The following ABLIM2 variants were observed in gnomAD, a reference collection of about 807,000 sequenced individuals.
The protein encoded by ABLIM2 is actin binding LIM protein family member 2, also known as actin-binding LIM protein 2.
ABLIM2 carries 53 observed loss-of-function variants against 97.7 expected under a neutral mutation model. That is an observed-to-expected ratio of 0.54 (90% CI 0.44 to 0.68). The LOEUF (loss-of-function observed/expected upper bound fraction) is 0.68. Ranked by LOEUF, ABLIM2 falls within the 30% of genes least tolerant of loss-of-function variation. The pLI is 0.00. For synonymous variants in ABLIM2, 361 were observed against 345.8 expected (o/e 1.04, Z -0.49); for missense variants, 835 against 867.2 (o/e 0.96, Z 0.47).
chr4:8,158,708 T>C lies in ABLIM2; in HGVS notation c.-19A>G. 1 of 1,451,602 alleles carries C rather than the reference T, an allele frequency of 6.9e-7. No homozygotes were observed. Among genetic ancestry groups the C allele is most frequent in the Non-Finnish European group, 9.1e-7 (1 of 1,103,060 alleles). 89.9% of individuals were successfully genotyped at this position (1,451,602 alleles called of 1,614,324 possible). A position where few individuals can be genotyped will look rare whatever the true frequency, so the allele number is the denominator to read the frequency against. ...CACTCATCTCAGCAGCCGCTCGGAG[T>C]CGGGGCGGCCCGGCGCTGCGACAGC... On this transcript the variant is annotated 5_prime_UTR_variant, in exon 1 of 21. Coordinates refer to ENST00000447017, the MANE Select transcript of ABLIM2 (RefSeq NM_001130083.2).
chr4:8,133,247 C>T (rs1468745709), intron 1 of ABLIM2, among the ~76,000 whole-genome samples: 1 of 152,236 alleles, frequency 6.6e-6, no homozygotes, highest in Non-Finnish European at 1.5e-5. Flanking sequence ...AATGACCCTA[C>T]CACCAAGTAA....
chr4:8,124,919 C>T lies in ABLIM2; in HGVS notation c.11-18282G>A, dbSNP rs1164587187. 6.6e-6 allele frequency among the ~76,000 whole-genome samples: 1 copy of T among 152,162 alleles called. No individual in the cohort carries two copies. The highest frequency in any genetic ancestry group is 6.5e-5 in the Admixed American group (1 of 15,274). On this transcript the variant is annotated intron_variant, in intron 1 of 20. Coordinates refer to ENST00000447017, the MANE Select transcript of ABLIM2 (RefSeq NM_001130083.2). This position sits in a 1 kb window ranked among gnomAD's most constrained non-coding sequence, Gnocchi z 6.1. ...TGCGATTTTGATCCAGCCATTCTAG[C>T]GGATCTGTAATCGCGTCTCACTGGG...
chr4:8,152,711 C>G (rs953488643), intron 1 of ABLIM2, among the ~76,000 whole-genome samples: 1 of 152,220 alleles, frequency 6.6e-6, no homozygotes, highest in Non-Finnish European at 1.5e-5. Flanking sequence ...TGATCAGCCT[C>G]AAGCACTAGG....
rs1416683691 is a variant in ABLIM2 at position 8,067,977 on chromosome 4, G to A, written c.676-6923C>T. Among the ~76,000 whole-genome samples, 1 of 152,168 alleles carries A rather than the reference G, an allele frequency of 6.6e-6. No homozygotes were observed. Among genetic ancestry groups the A allele is most frequent in the African/African-American group, 2.4e-5 (1 of 41,448 alleles). On this transcript the variant is annotated intron_variant, in intron 6 of 20. Coordinates refer to ENST00000447017, the MANE Select transcript of ABLIM2 (RefSeq NM_001130083.2). This position sits in a 1 kb window ranked among gnomAD's most constrained non-coding sequence, Gnocchi z 5.4. ...CCCATACTTCCTGCTGAGAACCAGT[G>A]GGTCACAGGCGGCCATCGATGGGCT...
chr4:7,967,382 G>C (rs976815245), intron 20 of ABLIM2, among the ~76,000 whole-genome samples: 1 of 152,216 alleles, frequency 6.6e-6, no homozygotes, highest in African/African-American at 2.4e-5. Flanking sequence ...TGCTGCTGTG[G>C]ACCAAGTTCA....
At chr4:8,041,391 A>C (rs1306626043) in intron 9 of ABLIM2, 1 of 152,228 alleles carries the variant, frequency 6.6e-6, no homozygotes, top group Non-Finnish European at 1.5e-5. Flanking sequence ...AGGAGCCACC[A>C]TGGCTGTTTA....
At chr4:8,018,300 C>T (rs1770985391) in intron 14 of ABLIM2, among the ~76,000 whole-genome samples, 1 of 152,214 alleles carries the variant, frequency 6.6e-6, no homozygotes, top group Non-Finnish European at 1.5e-5. Flanking sequence ...CACAGCACTC[C>T]AGGCAGGCTG....
intron 1 of ABLIM2, among the ~76,000 whole-genome samples, chr4:8,109,559 C>T (rs1338440692): frequency 6.6e-6 from 1 of 152,200 alleles, no homozygotes; most frequent in Non-Finnish European, 1.5e-5. Flanking sequence ...CCGGAAGCCA[C>T]CGATCTGGCC....
rs1057214072 is a variant in ABLIM2 at position 8,032,257 on chromosome 4, G to A, written c.1048-2481C>T. 1.3e-5 allele frequency among the ~76,000 whole-genome samples: 2 copies of A among 151,650 alleles called. No individual in the cohort carries two copies. Among genetic ancestry groups the A allele is most frequent in the Non-Finnish European group, 2.9e-5 (2 of 67,978 alleles). ...TAAAAGCTCTTTTGTAGAGAGACAC[G>A]TCCAGTGTTTCTCCACGAGGACTGG... On this transcript the variant is annotated intron_variant, in intron 10 of 20. Coordinates refer to ENST00000447017, the MANE Select transcript of ABLIM2 (RefSeq NM_001130083.2). This position sits in a 1 kb window ranked among gnomAD's most constrained non-coding sequence, Gnocchi z 4.3.
At position 7,992,764 on chromosome 4, in the gene ABLIM2, C is replaced by T. The variant is rs548642564; in HGVS notation, c.1680+102G>A. On this transcript the variant is annotated intron_variant, in intron 17 of 20. Coordinates refer to ENST00000447017, the MANE Select transcript of ABLIM2 (RefSeq NM_001130083.2). The surrounding 1 kb of genome is among the most constrained non-coding windows in gnomAD (Gnocchi z 5.7). Reference sequence around the variant, plus strand: ...AGAGGCAGGTGGGCCGCGGGGTCCCCGGGGCCTCTCCTCCTGCTGTGTGGT... The same window carrying T: ...AGAGGCAGGTGGGCCGCGGGGTCCCTGGGGCCTCTCCTCCTGCTGTGTGGT... 71 of 1,353,992 alleles carry T rather than the reference C, an allele frequency of 5.2e-5. No individual in the cohort carries two copies. The highest frequency in any genetic ancestry group is 2.5e-4 in the Middle Eastern group (1 of 4,080). 83.9% of individuals were successfully genotyped at this position (1,353,992 alleles called of 1,614,324 possible).
At chr4:8,106,159 G>A (rs73796893) in intron 2 of ABLIM2, among the ~76,000 whole-genome samples, 17,178 of 152,168 alleles carry the variant, frequency 0.11, 1,293 homozygotes, top group African/African-American at 0.22. Context: ...GACCATGACC[G>A]TTTATTTACC....
chr4:8,124,870 C>T lies in ABLIM2; in HGVS notation c.11-18233G>A, dbSNP rs1336654121. Among the ~76,000 whole-genome samples, 1 of 152,064 alleles carries T rather than the reference C, an allele frequency of 6.6e-6. No individual in the cohort carries two copies. Among genetic ancestry groups the T allele is most frequent in the Admixed American group, 6.5e-5 (1 of 15,274 alleles). The stretch of plus-strand genomic sequence containing the variant: ...CACCGGGTTCTGATTTCTACGCATC[C>T]CCACAGCCTGCTCTGGGTGTGCCTG... On this transcript the variant is annotated intron_variant, in intron 1 of 20. Transcript: ENST00000447017. The surrounding 1 kb of genome is among the most constrained non-coding windows in gnomAD (Gnocchi z 6.1).
intron 8 of ABLIM2, among the ~76,000 whole-genome samples, chr4:8,051,063 G>T (rs781242517): frequency 6.6e-6 from 1 of 152,250 alleles, no homozygotes; most frequent in Non-Finnish European, 1.5e-5. Flanking sequence ...GCATCAGTGG[G>T]GACAGTGAAG....
intron 17 of ABLIM2, among the ~76,000 whole-genome samples, chr4:7,989,969 G>T (rs1370585329): frequency 1.3e-5 from 2 of 152,182 alleles, no homozygotes; most frequent in African/African-American, 4.8e-5. Flanking sequence ...CAGGCACTGT[G>T]GCAGGCTTGG....
chr4:8,103,843 C>T (rs1835891053), intron 2 of ABLIM2, among the ~76,000 whole-genome samples: 1 of 152,226 alleles, frequency 6.6e-6, no homozygotes, highest in Non-Finnish European at 1.5e-5. Context: ...CATTTTGCTG[C>T]ATGCCCAAGG....
chr4:7,981,727 A>G (rs1050660045), intron 20 of ABLIM2, among the ~76,000 whole-genome samples: 1 of 152,066 alleles, frequency 6.6e-6, no homozygotes, highest in South Asian at 2.1e-4. Flanking sequence ...AGGGAGTGCT[A>G]TTTTCCAGGC....
At chr4:8,027,291 G>A (rs112466486) in intron 12 of ABLIM2, among the ~76,000 whole-genome samples, 38 of 152,198 alleles carry the variant, frequency 2.5e-4, no homozygotes, top group African/African-American at 8.4e-4. Flanking sequence ...TGGAAGAGCC[G>A]AGAGTTGGAG....
intron 8 of ABLIM2, among the ~76,000 whole-genome samples, chr4:8,049,998 G>A (rs970626154): frequency 6.6e-6 from 1 of 152,212 alleles, no homozygotes; most frequent in Non-Finnish European, 1.5e-5. Context: ...AAGGTGCTAG[G>A]ATTACAGGTG....
intron 8 of ABLIM2, among the ~76,000 whole-genome samples, chr4:8,051,883 G>A (rs1201545790): frequency 2.0e-5 from 3 of 152,126 alleles, no homozygotes; most frequent in Non-Finnish European, 4.4e-5. Flanking sequence ...TGAATGACAC[G>A]CCTGGTCAAA....
Sources: allele counts gnomAD v4.1 joint callset (sites outside exome capture counted in the v4.1 genomes callset), GRCh38; gene constraint gnomAD v4.1.1; non-coding constraint Gnocchi (gnomAD v3.1); transcripts MANE v1.5; gene names NCBI Gene and HGNC (gene_info 2026-07-23, HGNC 2026-07-21).